CLPB: variants seen among roughly 807,000 people sequenced by gnomAD.
CLPB encodes ClpB family mitochondrial disaggregase, also known as mitochondrial disaggregase.
In CLPB, 40 loss-of-function variants were observed where a neutral mutation model predicts 78.4. The observed-to-expected ratio is 0.51, with a 90% CI of 0.40 to 0.66. CLPB has a LOEUF of 0.66. CLPB is among the 30% of genes least tolerant of loss of function. The probability of loss-of-function intolerance (pLI) is 0.00; values close to 1 mark genes in which losing one functional copy is unlikely to be tolerated. For missense variants in CLPB, 780 were observed against 886.9 expected (o/e 0.88, Z 1.53); for synonymous variants, 333 against 348.0 (o/e 0.96, Z 0.48).
chr11:72,415,547 G>T (rs891167263), intron 2 of CLPB, among the ~76,000 whole-genome samples: 2 of 152,128 alleles, frequency 1.3e-5, no homozygotes, highest in African/African-American at 4.8e-5. Context: ...CTTCTTTCTG[G>T]TAGTCTCCAT....
rs189893355 is a variant in CLPB, at chr11:72,398,597, A to G, written c.542+4369T>C. ...AATTGAATTTAGCTGAAGGCTGTGT[A>G]TATTTGCACAAGCCGGTGAAGGCTA... On this transcript the variant is annotated intron_variant, in intron 3 of 15. Coordinates refer to ENST00000538039, the MANE Select transcript of CLPB (RefSeq NM_001258392.3). 7.9e-5 allele frequency among the ~76,000 whole-genome samples: 12 copies of G among 152,296 alleles called. No homozygotes were observed. The East Asian group carries it at 1.2e-3, about 15-fold the overall frequency.
intron 4 of CLPB, among the ~76,000 whole-genome samples, chr11:72,365,990 C>T (rs531081069): frequency 1.3e-5 from 2 of 152,188 alleles, no homozygotes; most frequent in African/African-American, 4.8e-5. Context: ...TTCAGGACAT[C>T]AGCCTTGGCA....
chr11:72,364,900 G>A (rs933940280), intron 4 of CLPB, among the ~76,000 whole-genome samples: 1 of 152,136 alleles, frequency 6.6e-6, no homozygotes, highest in Non-Finnish European at 1.5e-5. Context: ...AAGAGTCAAT[G>A]GCAAACCTAA....
At chr11:72,301,742 G>T in intron 11 of CLPB, 61 bp downstream of exon 11, 1 of 1,558,296 alleles carries the variant, frequency 6.4e-7, no homozygotes. Flanking sequence ...GCTTTCTGCT[G>T]TTCACAGTCC....
At chr11:72,379,313 T>C (rs977661252) in intron 4 of CLPB, among the ~76,000 whole-genome samples, 4 of 152,220 alleles carry the variant, frequency 2.6e-5, no homozygotes, top group Non-Finnish European at 5.9e-5. Flanking sequence ...TCAGCCACCC[T>C]ATTGCTGGCA....
intron 2 of CLPB, among the ~76,000 whole-genome samples, chr11:72,419,858 T>C (rs1236922972): frequency 6.6e-6 from 1 of 152,228 alleles, no homozygotes; most frequent in Non-Finnish European, 1.5e-5. Context: ...GATTCACGTC[T>C]GACAAGGCTT....
At chr11:72,337,544 G>C (rs908129134) in intron 5 of CLPB, among the ~76,000 whole-genome samples, 1 of 152,186 alleles carries the variant, frequency 6.6e-6, no homozygotes, top group African/African-American at 2.4e-5. Flanking sequence ...TTCTGAGAAA[G>C]TAGAGGCTCA....
At chr11:72,407,493 T>C (rs1432094112) in intron 2 of CLPB, among the ~76,000 whole-genome samples, 11 of 152,328 alleles carry the variant, frequency 7.2e-5, no homozygotes, top group Middle Eastern at 3.4e-3. Context: ...GGGTTTTCTA[T>C]TTTAAGAGGA....
At chr11:72,380,407 A>C in intron 3 of CLPB, 23 bp from the exon 4 acceptor site, 1 of 1,599,550 alleles carries the variant, frequency 6.3e-7, no homozygotes, top group Non-Finnish European at 8.6e-7. Context: ...ACAAAGACAG[A>C]AGTGTCAAAA....
At chr11:72,396,749 T>C (rs1333572341) in intron 3 of CLPB, among the ~76,000 whole-genome samples, 2 of 152,208 alleles carry the variant, frequency 1.3e-5, no homozygotes, top group African/African-American at 4.8e-5. Context: ...CATATCACTC[T>C]AATGTGAGAT....
chr11:72,295,523 C>T lies in CLPB; in HGVS notation c.1455G>A (p.Glu485=). 6.2e-7 allele frequency: 1 copy of T among 1,614,188 alleles called. No individual in the cohort carries two copies. Among genetic ancestry groups the T allele is most frequent in the Non-Finnish European group, 8.5e-7 (1 of 1,180,040 alleles). Residue 485 remains glutamate, a synonymous_variant, in exon 12 of 16, where the codon GAG becomes GAA. Transcript: ENST00000538039. ...TTTCGGCAATACGGTTACGGCTCAT[C>T]TCCAAAGCTTCCTGCCTCAGCTGCA... ...HALQLRQEAL[E]MSRNRIAENL... is the part of the protein sequence containing the mutation.
intron 9 of CLPB, among the ~76,000 whole-genome samples, chr11:72,306,125 G>A (rs547760859): frequency 6.6e-6 from 1 of 152,386 alleles, no homozygotes; most frequent in South Asian, 2.1e-4. Context: ...TGCTTGTCAA[G>A]TGGGTCTGCT....
chr11:72,309,558 C>T (rs1565429160), intron 7 of CLPB, among the ~76,000 whole-genome samples: 1 of 152,166 alleles, frequency 6.6e-6, no homozygotes, highest in Non-Finnish European at 1.5e-5. Flanking sequence ...AAGTAGTATT[C>T]TCAACTCCAT....
intron 2 of CLPB, among the ~76,000 whole-genome samples, chr11:72,426,614 G>C (rs1233701252): frequency 1.3e-5 from 2 of 152,120 alleles, no homozygotes; most frequent in Non-Finnish European, 2.9e-5. Flanking sequence ...ATAGCCAAGG[G>C]GAGTGTGAAA....
intron 2 of CLPB, among the ~76,000 whole-genome samples, chr11:72,413,882 C>G (rs1855949782): frequency 6.6e-6 from 1 of 152,212 alleles, no homozygotes; most frequent in East Asian, 1.9e-4. Flanking sequence ...GGACTCTGAG[C>G]AGGGCACTCA....
chr11:72,372,016 C>T (rs889444434), intron 4 of CLPB, among the ~76,000 whole-genome samples: 4 of 152,172 alleles, frequency 2.6e-5, no homozygotes, highest in Non-Finnish European at 4.4e-5. Context: ...TTTTCTCAAG[C>T]GCTTTCGTAA....
chr11:72,416,899 T>C (rs1348079953), intron 2 of CLPB, among the ~76,000 whole-genome samples: 1 of 152,106 alleles, frequency 6.6e-6, no homozygotes, highest in Non-Finnish European at 1.5e-5. Context: ...TTGCTGTAAG[T>C]GATGACAACA....
At chr11:72,401,930 T>C (rs1855575168) in intron 3 of CLPB, among the ~76,000 whole-genome samples, 1 of 152,152 alleles carries the variant, frequency 6.6e-6, no homozygotes, top group South Asian at 2.1e-4. Context: ...GGCTGGTATC[T>C]GGCATCGGGA....
At chr11:72,344,482 G>A (rs1481990548) in intron 5 of CLPB, among the ~76,000 whole-genome samples, 1 of 152,114 alleles carries the variant, frequency 6.6e-6, no homozygotes, top group African/African-American at 2.4e-5. Context: ...AAAGTGGTGG[G>A]ATTGCAGGGG....
Sources: allele counts gnomAD v4.1 joint callset (sites outside exome capture counted in the v4.1 genomes callset), GRCh38; gene constraint gnomAD v4.1.1; transcripts MANE v1.5; gene names NCBI Gene and HGNC (gene_info 2026-07-23, HGNC 2026-07-21).